Variants in LRGUK observed in about 807,000 individuals in gnomAD.
LRGUK encodes leucine-rich repeat and guanylate kinase domain-containing protein.
LRGUK carries 65 observed loss-of-function variants against 76.0 expected under a neutral mutation model. The observed-to-expected ratio is 0.85, with a 90% confidence interval of 0.70 to 1.05. The LOEUF (loss-of-function observed/expected upper bound fraction) is 1.05, where lower values mean the gene tolerates loss of function less well. Among genes scored for constraint, LRGUK ranks in the 50% least tolerant of loss-of-function variants. LRGUK has a pLI of 0.00. For missense variants in LRGUK, 758 were observed against 732.8 expected (o/e 1.03, Z -0.40); for synonymous variants, 268 against 265.6 (o/e 1.01, Z -0.09).
intron 19 of LRGUK, among the ~76,000 whole-genome samples, chr7:134,261,602 CTACTATGTGAT>C (rs1355429697): frequency 1.3e-5 from 2 of 152,184 alleles, no homozygotes; most frequent in Non-Finnish European, 2.9e-5. Flanking sequence ...GGAAAGTCCA[CTACTATGTGAT>C]TACTAGTCAA....
At chr7:134,224,924 C>T (rs1257039867) in intron 16 of LRGUK, among the ~76,000 whole-genome samples, 5 of 151,678 alleles carry the variant, frequency 3.3e-5, no homozygotes, top group Admixed American at 1.3e-4. Context: ...TAGTGGCTCG[C>T]GCTTGTGGTC....
intron 3 of LRGUK, among the ~76,000 whole-genome samples, chr7:134,141,964 G>T (rs1465214892): frequency 6.6e-6 from 1 of 152,138 alleles, no homozygotes; most frequent in Non-Finnish European, 1.5e-5. Flanking sequence ...TGGCTTCAGT[G>T]ACTATTGAGA....
chr7:134,154,461 G>A (rs1013853764), intron 5 of LRGUK, among the ~76,000 whole-genome samples: 2 of 152,180 alleles, frequency 1.3e-5, no homozygotes, highest in Admixed American at 6.5e-5. Context: ...TTGACTGTTG[G>A]CAGTGCCACC....
At chr7:134,266,703 G>T (rs1200099056), downstream of LRGUK, among the ~76,000 whole-genome samples, 1 of 152,150 alleles carries the variant, frequency 6.6e-6, no homozygotes, top group African/African-American at 2.4e-5. Context: ...GTCTAGAGGA[G>T]TACAAAAAGA....
At chr7:134,210,090 A>G in exon 16 of LRGUK, 1 of 399,260 alleles carries the variant, frequency 2.5e-6, no homozygotes, top group East Asian at 3.6e-5. Flanking sequence ...AGGGAAAAAA[A>G]GCTCCCCAAC....
chr7:134,194,525 T>C (rs1352468181), intron 12 of LRGUK, among the ~76,000 whole-genome samples: 1 of 152,094 alleles, frequency 6.6e-6, no homozygotes, highest in African/African-American at 2.4e-5. Flanking sequence ...GAGGATTGCT[T>C]GAACCTAGGA....
chr7:134,210,460 C>T (rs185750406), downstream of LRGUK, among the ~76,000 whole-genome samples: 7 of 152,226 alleles, frequency 4.6e-5, no homozygotes, highest in Admixed American at 3.3e-4. Context: ...TAGATGTGTC[C>T]AAACAAGGGC....
At chr7:134,218,359 G>T (rs1018361927) in intron 15 of LRGUK, among the ~76,000 whole-genome samples, 1 of 152,162 alleles carries the variant, frequency 6.6e-6, no homozygotes, top group South Asian at 2.1e-4. Flanking sequence ...TTCAAAGAGA[G>T]ATCAACTCTA....
intron 18 of LRGUK, among the ~76,000 whole-genome samples, chr7:134,251,499 A>C (rs11770521): frequency 0.35 from 52,665 of 152,024 alleles, 11,243 homozygotes; most frequent in South Asian, 0.51. Context: ...TGTTTAAGCC[A>C]CTCAGTTCAT....
chr7:134,253,004 A>C (rs1802485047), intron 18 of LRGUK, among the ~76,000 whole-genome samples: 1 of 152,246 alleles, frequency 6.6e-6, no homozygotes, highest in South Asian at 2.1e-4. Flanking sequence ...TACCTTGTAT[A>C]GACCCAATTG....
chr7:134,248,196 T>C (rs1190309241), intron 17 of LRGUK, among the ~76,000 whole-genome samples: 1 of 152,232 alleles, frequency 6.6e-6, no homozygotes, highest in African/African-American at 2.4e-5. Context: ...AGTGAGACAC[T>C]GTCCCCCAGA....
At chr7:134,144,965 G>A (rs1201045775) in intron 4 of LRGUK, among the ~76,000 whole-genome samples, 1 of 152,108 alleles carries the variant, frequency 6.6e-6, no homozygotes, top group Non-Finnish European at 1.5e-5. Context: ...GTCATTCATG[G>A]TAACAGCATG....
chr7:134,140,747 C>T (rs375134999), intron 3 of LRGUK, among the ~76,000 whole-genome samples: 88 of 152,178 alleles, frequency 5.8e-4, no homozygotes, highest in African/African-American at 1.9e-3. Flanking sequence ...ATATTCTAGC[C>T]CATTTTCATT....
rs149477272 is a variant in LRGUK, at chr7:134,246,235, T to C, written c.1984-1321T>C. Among the ~76,000 whole-genome samples, 49 of 152,358 alleles carry C rather than the reference T, an allele frequency of 3.2e-4. No individual in the cohort carries two copies. The East Asian group carries it at 6.0e-3, about 19-fold the overall frequency. ...CTTTATATTATCCCCCCCAAATTTA[T>C]ACTGTTGTACATTAAAGTGGTTTGT... On this transcript the variant is annotated intron_variant, in intron 16 of 19. Transcript: ENST00000285928.
intron 11 of LRGUK, among the ~76,000 whole-genome samples, chr7:134,186,585 A>G (rs1325292052): frequency 6.6e-6 from 1 of 152,244 alleles, no homozygotes; most frequent in Admixed American, 6.5e-5. Context: ...AATAAGAAGC[A>G]TGGGTGATCT....
At chr7:134,177,198 T>A (rs895561345) in intron 9 of LRGUK, 135 bp downstream of exon 9, 5 of 575,768 alleles carry the variant, frequency 8.7e-6, no homozygotes, top group African/African-American at 1.9e-5. Context: ...ATTTAGGGAA[T>A]GTTTCCTTGC....
At position 134,171,592 on chromosome 7, in the gene LRGUK, C is replaced by T. The variant is rs540915588; in HGVS notation, c.940-2964C>T. ...AAAGAAGAAAAGAAGAGGAAGTCAA[C>T]GTGCTTTGGGGATGGGGGTGTGGAC... On this transcript the variant is annotated intron_variant, in intron 7 of 15. Transcript: ENST00000645682. Among the ~76,000 whole-genome samples, 12 of 151,942 alleles carry T rather than the reference C, an allele frequency of 7.9e-5. No individual in the cohort carries two copies. In the South Asian group the frequency reaches 2.3e-3, roughly 29 times the overall value.
chr7:134,128,841 C>T (rs1006813186), intron 1 of LRGUK, among the ~76,000 whole-genome samples: 4 of 151,996 alleles, frequency 2.6e-5, no homozygotes, highest in Admixed American at 2.6e-4. Context: ...TGAGCCACCG[C>T]ACCCGGCCTA....
intron 5 of LRGUK, among the ~76,000 whole-genome samples, chr7:134,153,546 A>G (rs1475746170): frequency 3.3e-5 from 5 of 152,178 alleles, no homozygotes; most frequent in Admixed American, 2.6e-4. Flanking sequence ...TCCAGACAGA[A>G]TTTTAGAGAC....
Sources: allele counts gnomAD v4.1 joint callset (sites outside exome capture counted in the v4.1 genomes callset), GRCh38; gene constraint gnomAD v4.1.1; transcripts MANE v1.5; gene names NCBI Gene and HGNC (gene_info 2026-07-23, HGNC 2026-07-21).